Variants in EDIL3 observed in about 807,000 individuals in gnomAD.
EDIL3 encodes EGF-like repeat and discoidin I-like domain-containing protein 3.
A neutral mutation model predicts 67.4 loss-of-function variants in EDIL3; 37 were observed. The ratio of observed to expected loss-of-function variants is 0.55; its 90% CI spans 0.42 to 0.72. The LOEUF is 0.72. EDIL3 is among the 30% of genes least tolerant of loss of function. EDIL3 has a pLI of 0.00. For synonymous variants in EDIL3, 195 were observed against 196.3 expected (o/e 0.99, Z 0.05); for missense variants, 527 against 586.3 (o/e 0.90, Z 1.04).
chr5:84,148,896 G>A (rs370134436), intron 4 of EDIL3, among the ~76,000 whole-genome samples: 1 of 150,122 alleles, frequency 6.7e-6, no homozygotes, highest in Non-Finnish European at 1.5e-5. Context: ...TGAGAACTCT[G>A]CTTCTGGCCT....
intron 1 of EDIL3, among the ~76,000 whole-genome samples, chr5:84,336,068 C>T (rs943930676): frequency 1.3e-5 from 2 of 152,196 alleles, no homozygotes; most frequent in African/African-American, 2.4e-5. Context: ...CCTCTTAATA[C>T]TATCACATTG....
intron 9 of EDIL3, among the ~76,000 whole-genome samples, chr5:84,013,618 A>T (rs927579599): frequency 1.3e-5 from 2 of 152,146 alleles, no homozygotes; most frequent in Admixed American, 6.5e-5. Flanking sequence ...ATATTTATTG[A>T]GTGACAGCTA....
At chr5:84,291,706 G>GTAGATCTATCTATATATCTATA (rs1480864227) in intron 1 of EDIL3, among the ~76,000 whole-genome samples, 1 of 138,902 alleles carries the variant, frequency 7.2e-6, no homozygotes, top group Non-Finnish European at 1.5e-5. Flanking sequence ...ATCTATCTAT[G>GTAGATCTATCTATATATCTATA]TAGATCTATC....
At chr5:84,166,066 C>T (rs1387131559) in intron 4 of EDIL3, among the ~76,000 whole-genome samples, 1 of 152,020 alleles carries the variant, frequency 6.6e-6, no homozygotes, top group Non-Finnish European at 1.5e-5. Flanking sequence ...ACTGTCACTC[C>T]TCTGTCTTCC....
At chr5:84,349,069 T>C (rs1034781496) in intron 1 of EDIL3, among the ~76,000 whole-genome samples, 5 of 152,198 alleles carry the variant, frequency 3.3e-5, no homozygotes, top group African/African-American at 1.2e-4. Context: ...TTTTCTCTTC[T>C]CTTTACTATA....
intron 9 of EDIL3, among the ~76,000 whole-genome samples, chr5:83,967,543 A>C (rs1353096045): frequency 6.6e-6 from 1 of 152,122 alleles, no homozygotes; most frequent in Non-Finnish European, 1.5e-5. Context: ...AAAGTATGGC[A>C]TGAGAGTTCT....
chr5:84,019,388 T>C (rs964877767), intron 9 of EDIL3, among the ~76,000 whole-genome samples: 5 of 149,440 alleles, frequency 3.3e-5, no homozygotes, highest in Non-Finnish European at 7.4e-5. Flanking sequence ...CACTCAGGAC[T>C]GTTGTGGGGT....
intron 1 of EDIL3, among the ~76,000 whole-genome samples, chr5:84,366,562 T>C (rs2112207134): frequency 6.6e-6 from 1 of 152,320 alleles, no homozygotes; most frequent in African/African-American, 2.4e-5. Context: ...TATAAATATG[T>C]AACTCTCTAT....
At chr5:84,252,906 T>A (rs919345107) in intron 2 of EDIL3, among the ~76,000 whole-genome samples, 2 of 152,128 alleles carry the variant, frequency 1.3e-5, no homozygotes, top group African/African-American at 4.8e-5. Flanking sequence ...TCTTTGAAGA[T>A]GAATTAAATG....
At chr5:84,010,896 T>C (rs1745506417) in intron 9 of EDIL3, among the ~76,000 whole-genome samples, 1 of 152,108 alleles carries the variant, frequency 6.6e-6, no homozygotes, top group Non-Finnish European at 1.5e-5. Context: ...AGACCTAGAC[T>C]TCACCCAGTA....
intron 9 of EDIL3, among the ~76,000 whole-genome samples, chr5:83,979,463 T>G (rs1744928522): frequency 6.6e-6 from 1 of 152,116 alleles, no homozygotes; most frequent in Non-Finnish European, 1.5e-5. Flanking sequence ...TAAACTTATC[T>G]GTAGCATTAC....
At chr5:84,230,408 T>C (rs1744549207) in intron 2 of EDIL3, among the ~76,000 whole-genome samples, 1 of 151,706 alleles carries the variant, frequency 6.6e-6, no homozygotes, top group African/African-American at 2.4e-5. Flanking sequence ...CTTTGGACTT[T>C]TCTTTTTTTT....
At chr5:84,158,061 C>A (rs912203772) in intron 4 of EDIL3, among the ~76,000 whole-genome samples, 45 of 152,114 alleles carry the variant, frequency 3.0e-4, no homozygotes, top group African/African-American at 1.0e-3. Context: ...ACAAAACAGG[C>A]ACAACAAGTT....
At chr5:84,144,948 C>T (rs1456848872) in intron 4 of EDIL3, among the ~76,000 whole-genome samples, 1 of 152,096 alleles carries the variant, frequency 6.6e-6, no homozygotes, top group Non-Finnish European at 1.5e-5. Context: ...AGAAGCTCAG[C>T]TATGATTCAC....
rs1413715940 is a variant in EDIL3 at position 84,326,470 on chromosome 5, G to A, written c.67+57838C>T. 5.3e-5 allele frequency among the ~76,000 whole-genome samples: 8 copies of A among 151,534 alleles called. No homozygotes were observed. In the East Asian group the frequency reaches 1.6e-3, roughly 30 times the overall value. ...CTATAGATGGATTGTGGTCATGGTT[G>A]TACAAACAGTATGAAATTATTTAAT... On this transcript the variant is annotated intron_variant, in intron 1 of 10. Transcript: ENST00000296591.
chr5:84,035,133 T>C (rs1440649964), intron 9 of EDIL3, among the ~76,000 whole-genome samples: 1 of 152,250 alleles, frequency 6.6e-6, no homozygotes, highest in African/African-American at 2.4e-5. Flanking sequence ...TTCTCACTAG[T>C]ATTAGTCCTA....
intron 9 of EDIL3, among the ~76,000 whole-genome samples, chr5:84,055,635 A>G (rs535730135): frequency 6.6e-6 from 1 of 152,292 alleles, no homozygotes; most frequent in Admixed American, 6.5e-5. Flanking sequence ...AACCCCATCA[A>G]AAAGTGGGCA....
intron 4 of EDIL3, among the ~76,000 whole-genome samples, chr5:84,162,279 C>G (rs1748627834): frequency 6.6e-6 from 1 of 152,116 alleles, no homozygotes; most frequent in African/African-American, 2.4e-5. Flanking sequence ...GGAGTGGTTC[C>G]AGAAGAAAGC....
chr5:84,084,906 T>C (rs1747041476), intron 6 of EDIL3, among the ~76,000 whole-genome samples: 1 of 152,226 alleles, frequency 6.6e-6, no homozygotes, highest in Non-Finnish European at 1.5e-5. Context: ...GGAGAAAATC[T>C]ACAGTTCAAT....
Sources: allele counts gnomAD v4.1 joint callset (sites outside exome capture counted in the v4.1 genomes callset), GRCh38; gene constraint gnomAD v4.1.1; transcripts MANE v1.5; gene names NCBI Gene and HGNC (gene_info 2026-07-23, HGNC 2026-07-21).